The following KCND2 variants were observed in gnomAD, a reference collection of about 807,000 sequenced individuals.
The protein encoded by KCND2 is potassium voltage-gated channel subfamily D member 2, also known as A-type voltage-gated potassium channel KCND2.
KCND2 carries 16 observed loss-of-function variants against 54.4 expected under a neutral mutation model. The observed-to-expected ratio is 0.29, with a 90% CI of 0.20 to 0.45. The LOEUF is 0.45. KCND2 is among the 20% of genes least tolerant of loss of function. The pLI is 1.00. For synonymous variants in KCND2, 317 were observed against 310.7 expected, an observed-to-expected ratio of 1.02 and a Z score of -0.21; for missense variants, 486 against 824.2, an observed-to-expected ratio of 0.59 and a Z score of 5.02.
intron 1 of KCND2, among the ~76,000 whole-genome samples, chr7:120,490,460 C>A (rs1319835534): frequency 6.6e-6 from 1 of 152,086 alleles, no homozygotes; most frequent in South Asian, 2.1e-4. Flanking sequence ...TATAGCTGAA[C>A]TTCAGTATTA....
At chr7:120,687,452 T>C (rs1377341854) in intron 1 of KCND2, among the ~76,000 whole-genome samples, 1 of 152,130 alleles carries the variant, frequency 6.6e-6, no homozygotes, top group Non-Finnish European at 1.5e-5. Context: ...AAAAATTAAA[T>C]AAGTATCTAA....
intron 1 of KCND2, among the ~76,000 whole-genome samples, chr7:120,333,714 C>T (rs1396976843): frequency 6.6e-6 from 1 of 151,990 alleles, no homozygotes; most frequent in African/African-American, 2.4e-5. Context: ...TTGATCAAAA[C>T]AGATATTTTA....
intron 1 of KCND2, among the ~76,000 whole-genome samples, chr7:120,559,648 C>A (rs566496496): frequency 6.6e-6 from 1 of 152,244 alleles, no homozygotes; most frequent in East Asian, 1.9e-4. Context: ...GGAAATGAAA[C>A]AGCATGTTTG....
chr7:120,401,695 T>C (rs2116081887), intron 1 of KCND2, among the ~76,000 whole-genome samples: 1 of 152,338 alleles, frequency 6.6e-6, no homozygotes, highest in Non-Finnish European at 1.5e-5. Flanking sequence ...GACACAACTC[T>C]TCTCCTCATC....
At chr7:120,309,484 C>T (rs1259481730) in intron 1 of KCND2, among the ~76,000 whole-genome samples, 353 of 61,236 alleles carry the variant, frequency 5.8e-3, no homozygotes, top group African/African-American at 0.011. Flanking sequence ...TACACACACA[C>T]ACACACACAC....
intron 1 of KCND2, among the ~76,000 whole-genome samples, chr7:120,340,912 G>GT (rs1800230552): frequency 6.6e-6 from 1 of 152,150 alleles, no homozygotes; most frequent in Non-Finnish European, 1.5e-5. Context: ...TAACATTTTT[G>GT]TTTTGCTGGT....
chr7:120,494,366 A>G (rs1232164362), intron 1 of KCND2, among the ~76,000 whole-genome samples: 1 of 152,100 alleles, frequency 6.6e-6, no homozygotes, highest in African/African-American at 2.4e-5. Flanking sequence ...CAATTTAAAC[A>G]AAGTCATTTT....
At chr7:120,414,489 T>A (rs1563038612) in intron 1 of KCND2, among the ~76,000 whole-genome samples, 2 of 152,288 alleles carry the variant, frequency 1.3e-5, no homozygotes, top group South Asian at 2.1e-4. Flanking sequence ...TATTGGTGCA[T>A]GTTTAACTGA....
intron 1 of KCND2, among the ~76,000 whole-genome samples, chr7:120,419,050 ATCTC>A (rs1356308053): frequency 6.6e-6 from 1 of 151,826 alleles, no homozygotes; most frequent in Non-Finnish European, 1.5e-5. Context: ...GTACCACTGA[ATCTC>A]TCTGTCTTTT....
intron 1 of KCND2, among the ~76,000 whole-genome samples, chr7:120,306,266 C>T (rs1438398656): frequency 1.3e-5 from 2 of 152,042 alleles, no homozygotes; most frequent in African/African-American, 4.8e-5. Flanking sequence ...TCTTTTATGA[C>T]CATATTTCTC....
At chr7:120,357,205 G>A (rs767948417) in intron 1 of KCND2, among the ~76,000 whole-genome samples, 12 of 151,928 alleles carry the variant, frequency 7.9e-5, no homozygotes, top group Non-Finnish European at 1.5e-4. Flanking sequence ...CAGTGCTTAA[G>A]CCTCTTTCAC....
At chr7:120,609,433 T>A (rs1792923718) in intron 1 of KCND2, among the ~76,000 whole-genome samples, 1 of 152,138 alleles carries the variant, frequency 6.6e-6, no homozygotes, top group African/African-American at 2.4e-5. Context: ...ACTGAGGCTT[T>A]GCCAGAAACC....
chr7:120,395,586 A>G (rs1801142527), intron 1 of KCND2, among the ~76,000 whole-genome samples: 1 of 152,054 alleles, frequency 6.6e-6, no homozygotes, highest in South Asian at 2.1e-4. Context: ...GAGCAGGACT[A>G]ACTCATAGGC....
intron 1 of KCND2, among the ~76,000 whole-genome samples, chr7:120,472,627 G>A (rs1446409494): frequency 6.6e-6 from 1 of 151,930 alleles, no homozygotes; most frequent in East Asian, 1.9e-4. Context: ...TTGGTTGATT[G>A]GCTGTTTTGT....
chr7:120,442,813 C>T (rs1256107037), intron 1 of KCND2, among the ~76,000 whole-genome samples: 3 of 152,042 alleles, frequency 2.0e-5, no homozygotes, highest in African/African-American at 7.2e-5. Flanking sequence ...CCAGCCCTTG[C>T]TTTAAAGCAA....
chr7:120,380,631 G>A (rs943815223), intron 1 of KCND2, among the ~76,000 whole-genome samples: 3 of 151,764 alleles, frequency 2.0e-5, no homozygotes, highest in Non-Finnish European at 4.4e-5. Context: ...ATATAGTTTA[G>A]CATTTTATTG....
chr7:120,708,643 GA>G (rs1178868038), intron 1 of KCND2, among the ~76,000 whole-genome samples: 1 of 152,014 alleles, frequency 6.6e-6, no homozygotes, highest in Non-Finnish European at 1.5e-5. Context: ...TGTCTTGTGA[GA>G]CAGGCATTTG....
chr7:120,706,379 G>T (rs1169056751), intron 1 of KCND2, among the ~76,000 whole-genome samples: 1 of 152,208 alleles, frequency 6.6e-6, no homozygotes, highest in Non-Finnish European at 1.5e-5. Context: ...AGTTCTGGAT[G>T]CTGGGAAGCC....
At chr7:120,684,722 G>A (rs1393715719) in intron 1 of KCND2, among the ~76,000 whole-genome samples, 2 of 152,148 alleles carry the variant, frequency 1.3e-5, no homozygotes, top group East Asian at 3.9e-4. Context: ...AGCTTCATCA[G>A]TATTTACAGC....
Sources: gnomAD v4.1 joint callset for allele counts (sites outside exome capture counted in the v4.1 genomes callset) on GRCh38, gnomAD v4.1.1 for gene constraint, MANE v1.5 for transcripts, NCBI Gene and HGNC (gene_info 2026-07-23, HGNC 2026-07-21) for gene names.